THSD4: variants seen among roughly 807,000 people sequenced by gnomAD.
THSD4 encodes thrombospondin type 1 domain containing 4.
A neutral mutation model predicts 119.0 loss-of-function variants in THSD4; 69 were observed. That is an observed-to-expected ratio of 0.58 (90% CI 0.48 to 0.71). The LOEUF is 0.71. THSD4 is among the 30% of genes least tolerant of loss of function. The pLI is 0.00. For missense variants in THSD4, 1,393 were observed against 1,391.1 expected, an observed-to-expected ratio of 1.00 and a Z score of -0.02; for synonymous variants, 524 against 540.4, an observed-to-expected ratio of 0.97 and a Z score of 0.42.
intron 13 of THSD4, among the ~76,000 whole-genome samples, chr15:71,747,630 A>G (rs947191781): frequency 1.3e-5 from 2 of 152,232 alleles, no homozygotes; most frequent in African/African-American, 2.4e-5. Context: ...CAGAGGTTGC[A>G]ATCACTGGCT....
chr15:71,333,744 A>G (rs1018340967), intron 6 of THSD4, among the ~76,000 whole-genome samples: 1 of 152,184 alleles, frequency 6.6e-6, no homozygotes, highest in African/African-American at 2.4e-5. Context: ...CCACTCAGTA[A>G]AGGCAGCGTC....
intron 8 of THSD4, among the ~76,000 whole-genome samples, chr15:71,670,253 C>G (rs2141012101): frequency 6.6e-6 from 1 of 151,828 alleles, no homozygotes; most frequent in East Asian, 2.0e-4. Context: ...ATGACAGGCC[C>G]CGGTGTGTGA....
At chr15:71,113,284 C>T (rs965061989), upstream of THSD4, among the ~76,000 whole-genome samples, 4 of 152,026 alleles carry the variant, frequency 2.6e-5, no homozygotes, top group African/African-American at 7.2e-5. Context: ...ACAATTTGAC[C>T]AAGGTTGAAA....
intron 17 of THSD4, among the ~76,000 whole-genome samples, chr15:71,772,249 CCTT>C (rs1567145857): frequency 6.6e-6 from 1 of 152,172 alleles, no homozygotes; most frequent in Non-Finnish European, 1.5e-5. Context: ...GACCTAACAT[CCTT>C]CCTATCCCAG....
At chr15:71,392,715 G>A (rs1271609025) in intron 6 of THSD4, among the ~76,000 whole-genome samples, 1 of 152,218 alleles carries the variant, frequency 6.6e-6, no homozygotes, top group East Asian at 1.9e-4. Flanking sequence ...GAGCTTGAGA[G>A]GAAAGCTACA....
chr15:71,613,867 G>A (rs1385942409), intron 7 of THSD4, among the ~76,000 whole-genome samples: 1 of 152,072 alleles, frequency 6.6e-6, no homozygotes, highest in African/African-American at 2.4e-5. Context: ...AGCTCATCTG[G>A]GCTTTGTATA....
chr15:71,608,249 T>TACACACACACACACAC (rs55892951), intron 7 of THSD4, among the ~76,000 whole-genome samples: 9 of 106,248 alleles, frequency 8.5e-5, no homozygotes, highest in Admixed American at 1.2e-4. Flanking sequence ...TATATATATA[T>TACACACACACACACAC]ACACACACAC....
intron 7 of THSD4, among the ~76,000 whole-genome samples, chr15:71,647,352 A>G (rs2050989992): frequency 6.6e-6 from 1 of 152,212 alleles, no homozygotes; most frequent in South Asian, 2.1e-4. Flanking sequence ...ATTACTGTTA[A>G]GCAACACATT....
chr15:71,194,749 T>C (rs915136872), intron 3 of THSD4, among the ~76,000 whole-genome samples: 3 of 152,254 alleles, frequency 2.0e-5, no homozygotes, highest in Non-Finnish European at 1.5e-5. Context: ...GGACACCAGC[T>C]GTTCCTGGTC....
intron 7 of THSD4, among the ~76,000 whole-genome samples, chr15:71,433,778 T>A (rs2046971502): frequency 6.6e-6 from 1 of 152,112 alleles, no homozygotes; most frequent in African/African-American, 2.4e-5. Flanking sequence ...GGGGCCATGT[T>A]AGGCTGGGCC....
At chr15:71,127,125 G>A (rs1053822485) in intron 1 of THSD4, among the ~76,000 whole-genome samples, 1 of 152,060 alleles carries the variant, frequency 6.6e-6, no homozygotes, top group Non-Finnish European at 1.5e-5. Context: ...TCTACTCTTT[G>A]CTTCTGTGAG....
At chr15:71,494,333 A>AC (rs2047976270) in intron 7 of THSD4, among the ~76,000 whole-genome samples, 3 of 151,838 alleles carry the variant, frequency 2.0e-5, no homozygotes, top group South Asian at 2.1e-4. Context: ...TTCTTTTCTA[A>AC]CCCCCCTTCC....
At chr15:71,661,876 G>A (rs1312493872) in intron 8 of THSD4, among the ~76,000 whole-genome samples, 2 of 152,102 alleles carry the variant, frequency 1.3e-5, no homozygotes, top group Admixed American at 6.5e-5. Flanking sequence ...TGTGTTGCAA[G>A]CATTCAATCT....
rs11856243 is a variant in THSD4 at position 71,742,253 on chromosome 15, T to C, written c.1907-2853T>C. Among the ~76,000 whole-genome samples the C allele has an allele frequency of 5.7e-3, 870 of 152,358 alleles. 6 individuals are homozygous for C. Among genetic ancestry groups the C allele is most frequent in the African/African-American group, 0.02 (829 of 41,576 alleles). Reference sequence around the variant, plus strand: ...CTTTGTCTAAGTGCTTCCAGCATCATGATATCACCATCTCAGGGAAGGGCC... The same window carrying C: ...CTTTGTCTAAGTGCTTCCAGCATCACGATATCACCATCTCAGGGAAGGGCC... On this transcript the variant is annotated intron_variant, in intron 11 of 17. Coordinates refer to ENST00000261862, the MANE Select transcript of THSD4 (RefSeq NM_024817.3).
intron 7 of THSD4, among the ~76,000 whole-genome samples, chr15:71,524,083 G>T (rs2048480504): frequency 6.6e-6 from 1 of 152,098 alleles, no homozygotes. Flanking sequence ...AGAACAAGTG[G>T]TCCACACACC....
intron 3 of THSD4, among the ~76,000 whole-genome samples, chr15:71,172,706 T>TATATATATATATATGTGAC (rs1567145391): frequency 9.0e-6 from 1 of 110,852 alleles, no homozygotes; most frequent in African/African-American, 4.3e-5. Flanking sequence ...TATATATATA[T>TATATATATATATATGTGAC]ATATATATAT....
chr15:71,758,561 A>C (rs2053582391), intron 15 of THSD4, among the ~76,000 whole-genome samples: 1 of 152,252 alleles, frequency 6.6e-6, no homozygotes, highest in South Asian at 2.1e-4. Context: ...ATTATGAAGA[A>C]TAAATAATAC....
chr15:71,256,780 C>G lies in THSD4; in HGVS notation c.1015+65C>G. ...GTCTGTTTTCCATTCTTGTTGACTT[C>G]TGATTGATGTTGGAGGTATTGGTGT... On this transcript the variant is annotated intron_variant, in intron 6 of 17. Transcript: ENST00000261862. 9.6e-6 allele frequency: 14 copies of G among 1,455,086 alleles called. 1 individual carries two copies. The South Asian group carries it at 1.6e-4, about 17-fold the overall frequency. The allele number at this position is 1,455,086 out of a possible 1,614,324, so 90.1% of individuals were successfully genotyped here. A position where few individuals can be genotyped will look rare whatever the true frequency, so the allele number is the denominator to read the frequency against.
At chr15:71,361,076 G>A (rs954827849) in intron 6 of THSD4, among the ~76,000 whole-genome samples, 1 of 152,210 alleles carries the variant, frequency 6.6e-6, no homozygotes, top group Non-Finnish European at 1.5e-5. Context: ...AAAAGGAGAA[G>A]AGGTGAGCAG....
Sources: gnomAD v4.1 joint callset for allele counts (sites outside exome capture counted in the v4.1 genomes callset) on GRCh38, gnomAD v4.1.1 for gene constraint, MANE v1.5 for transcripts, NCBI Gene and HGNC (gene_info 2026-07-23, HGNC 2026-07-21) for gene names.